OR1S1: variants seen among roughly 807,000 people sequenced by gnomAD.
The protein encoded by OR1S1 is olfactory receptor 1S1.
For synonymous variants in OR1S1, 156 were observed against 143.9 expected (o/e 1.08, Z -0.60); for missense variants, 411 against 367.5 (o/e 1.12, Z -0.97).
exon 2 of OR1S1, chr11:58,214,949 C>T: frequency 1.9e-6 from 3 of 1,614,152 alleles, no homozygotes; most frequent in South Asian, 1.1e-5. Context: ...TACGTACCTT[C>T]ATACCCCCAT....
At chr11:58,215,559 A>G in exon 2 of OR1S1, 1 of 1,614,082 alleles carries the variant, frequency 6.2e-7, no homozygotes, top group Non-Finnish European at 8.5e-7. Flanking sequence ...GTAGGCGTGT[A>G]CTTTTTCCCC....
At chr11:58,215,893 A>G in exon 2 of OR1S1, 1 of 769,514 alleles carries the variant, frequency 1.3e-6, no homozygotes, top group African/African-American at 1.7e-5. Context: ...TCTTGGAAAC[A>G]AAACCTGTAA....
In OR1S1 at chr11:58,214,715, TG is replaced by T; in HGVS notation, c.-55-13del. 6.2e-7 allele frequency: 1 copy of T among 1,600,334 alleles called. No homozygotes were observed. The highest frequency in any genetic ancestry group is 8.5e-7 in the Non-Finnish European group (1 of 1,171,484). On this transcript the variant is annotated splice_polypyrimidine_tract_variant and intron_variant, in intron 1 of 1. Transcript: ENST00000641544. ...ACTTACTGCAATGGCTGCAGCCAAA[TG>T]ATACCATGTTAGGTTTTCTTGTAGG...
chr11:58,215,271 T>C (rs1852920127), exon 2 of OR1S1: 5 of 1,613,612 alleles, frequency 3.1e-6, no homozygotes, highest in Non-Finnish European at 1.7e-6. Context: ...ACCCTTCTGC[T>C]CATTCAATTG....
chr11:58,215,215 C>G, exon 2 of OR1S1: 2 of 1,614,148 alleles, frequency 1.2e-6, no homozygotes, highest in Non-Finnish European at 1.7e-6. Context: ...GCATTTTGCT[C>G]ACAGTCATCT....
chr11:58,214,482 A>G (rs1179742995), intron 1 of OR1S1, among the ~76,000 whole-genome samples: 3 of 152,178 alleles, frequency 2.0e-5, no homozygotes, highest in Non-Finnish European at 4.4e-5. Context: ...CTCATCTATG[A>G]CCCTCAGTTT....
intron 1 of OR1S1, among the ~76,000 whole-genome samples, chr11:58,213,763 C>T (rs1412302526): frequency 6.6e-6 from 1 of 152,202 alleles, no homozygotes; most frequent in African/African-American, 2.4e-5. Flanking sequence ...TGGGGTTCGT[C>T]AGGGGCTCCC....
exon 2 of OR1S1, chr11:58,215,553 G>A: frequency 6.2e-7 from 1 of 1,614,042 alleles, no homozygotes; most frequent in South Asian, 1.1e-5. Flanking sequence ...ACCATTGTAG[G>A]CGTGTACTTT....
At chr11:58,215,181 C>G (rs144099010) in exon 2 of OR1S1, 2 of 1,614,166 alleles carry the variant, frequency 1.2e-6, no homozygotes, top group East Asian at 4.5e-5. Context: ...CTGAATTATA[C>G]AATTCTCATG....
chr11:58,213,003 T>C (rs1854974869), intron 1 of OR1S1, among the ~76,000 whole-genome samples, 166 bp downstream of exon 1: 1 of 152,222 alleles, frequency 6.6e-6, no homozygotes, highest in Non-Finnish European at 1.5e-5. Flanking sequence ...TCAGTTTTGT[T>C]GTGGATTCTC....
chr11:58,214,361 G>A (rs567297585), intron 1 of OR1S1, among the ~76,000 whole-genome samples: 3 of 152,276 alleles, frequency 2.0e-5, no homozygotes, highest in Non-Finnish European at 4.4e-5. Context: ...CACGAGACTT[G>A]AAATTTCTGT....
intron 1 of OR1S1, among the ~76,000 whole-genome samples, chr11:58,213,640 C>A (rs1157929135): frequency 6.6e-6 from 1 of 152,096 alleles, no homozygotes; most frequent in Non-Finnish European, 1.5e-5. Flanking sequence ...TTTATCAGGT[C>A]AAGGAGGAAG....
At chr11:58,214,658 A>C (rs748462870) in intron 1 of OR1S1, 71 bp from the exon 2 acceptor site, 1 of 1,184,424 alleles carries the variant, frequency 8.4e-7, no homozygotes, top group Non-Finnish European at 1.2e-6. Context: ...TAGCACTTCC[A>C]CTTAATAAGC....
chr11:58,214,483 C>A (rs193176361), intron 1 of OR1S1, among the ~76,000 whole-genome samples: 92 of 152,286 alleles, frequency 6.0e-4, no homozygotes, highest in Non-Finnish European at 9.8e-4. Flanking sequence ...TCATCTATGA[C>A]CCTCAGTTTG....
chr11:58,214,811 A>G lies in OR1S1; in HGVS notation c.28A>G (p.Thr10Ala), dbSNP rs185034442. The G allele has an allele frequency of 5.6e-6, 9 of 1,613,892 alleles. No individual in the cohort carries two copies. The highest frequency in any genetic ancestry group is 7.6e-6 in the Non-Finnish European group (9 of 1,179,944). ...GCATCAAGGAAACCAAACCACCATC[A>G]CTGAATTCATTCTCCTGGGATTTTT... Residue 10 changes from threonine (T) to alanine (A), a missense_variant, in exon 2 of 2, where the codon ACT (threonine) becomes GCT (alanine). Coordinates refer to ENST00000641544, the Ensembl canonical transcript of OR1S1.
At position 58,215,320 on chromosome 11, in the gene OR1S1, T is replaced by G. The variant is rs770593290; in HGVS notation, c.537T>G (p.Cys179Trp). ...ACAACACTCTCCCACACTTCTTCTG[T>G]GACTTGGCCCCTCTGCTCAAACTGT... The change falls in exon 2 of 2, where the codon TGT (cysteine) becomes TGG (tryptophan). Residue 179 changes from cysteine (C) to tryptophan (W), a missense_variant. Coordinates refer to ENST00000641544, the Ensembl canonical transcript of OR1S1. The G allele has an allele frequency of 6.2e-6, 10 of 1,613,722 alleles. 1 individual carries two copies. In the South Asian group the frequency reaches 1.1e-4, roughly 18 times the overall value.
chr11:58,213,186 T>A (rs1254066819), intron 1 of OR1S1, among the ~76,000 whole-genome samples: 1 of 152,160 alleles, frequency 6.6e-6, no homozygotes, highest in Admixed American at 6.5e-5. Context: ...GAGAGATAAG[T>A]GATGTTGGAG....
rs777468906 is a variant in OR1S1 at position 58,214,997 on chromosome 11, T to C, written c.214T>C (p.Ser72Pro). The C allele has an allele frequency of 2.5e-6, 4 of 1,614,174 alleles. No individual in the cohort carries two copies. In the Admixed American group the frequency reaches 5.0e-5, roughly 20 times the overall value. ...TGCCAATCTATCCTTTGCTGATATT[T>C]CCTCCATTTCCAACTCAGTCCCCAA... The change falls in exon 2 of 2, where the codon TCC becomes CCC. Residue 72 changes from serine to proline, a missense_variant. Physicochemically the swap from Ser to Pro is moderately conservative, Grantham distance 74 (BLOSUM62 -1). Transcript: ENST00000641544.
chr11:58,215,340 A>G, exon 2 of OR1S1: 1 of 1,613,592 alleles, frequency 6.2e-7, no homozygotes, highest in Non-Finnish European at 8.5e-7. Flanking sequence ...CCTCTGCTCA[A>G]ACTGTCCTGT....
Sources: allele counts gnomAD v4.1 joint callset (sites outside exome capture counted in the v4.1 genomes callset), GRCh38; gene constraint gnomAD v4.1.1; transcripts MANE v1.5; gene names NCBI Gene and HGNC (gene_info 2026-07-23, HGNC 2026-07-21).